ATOSB: variants seen among roughly 807,000 people sequenced by gnomAD.
ATOSB encodes atos homolog protein B.
chr9:35,108,374 G>A, the ATOSB span: 1 of 1,421,664 alleles, frequency 7.0e-7, no homozygotes, highest in Non-Finnish European at 9.1e-7. Flanking sequence ...AGAAGAAAAG[G>A]TGGTCAGGGG....
the ATOSB span, chr9:35,107,302 G>A: frequency 6.9e-7 from 1 of 1,451,780 alleles, no homozygotes. Flanking sequence ...CAGCAGTGAT[G>A]GAGTGAGATC....
At chr9:35,111,913 C>T in the ATOSB span, among the ~76,000 whole-genome samples, 1 of 152,210 alleles carries the variant, frequency 6.6e-6, no homozygotes, top group Non-Finnish European at 1.5e-5. Context: ...CCTACTCCCC[C>T]GCCCTTCCTC....
chr9:35,105,400 T>C, the ATOSB span: 1 of 1,591,368 alleles, frequency 6.3e-7, no homozygotes, highest in Non-Finnish European at 8.6e-7. The surrounding 1 kb of genome is among the most constrained non-coding windows in gnomAD (Gnocchi z 5.5). Flanking sequence ...GTGATCAACG[T>C]AAGAATCCAG....
chr9:35,107,186 A>G, the ATOSB span, among the ~76,000 whole-genome samples: 1 of 151,806 alleles, frequency 6.6e-6, no homozygotes, highest in Non-Finnish European at 1.5e-5. Context: ...AGCTGGGTGC[A>G]ATGTCATGTG....
chr9:35,106,595 G>T, the ATOSB span: 3 of 1,566,582 alleles, frequency 1.9e-6, no homozygotes, highest in Non-Finnish European at 1.7e-6. The surrounding 1 kb of genome is among the most constrained non-coding windows in gnomAD (Gnocchi z 4.6). Context: ...GGGAGGCACT[G>T]GGGGGGCTCA....
At chr9:35,113,546 C>T in the ATOSB span, among the ~76,000 whole-genome samples, 1 of 152,102 alleles carries the variant, frequency 6.6e-6, no homozygotes, top group Non-Finnish European at 1.5e-5. Flanking sequence ...ATCACTTGAA[C>T]CCAGGAGGCG....
the ATOSB span, chr9:35,111,062 T>C: frequency 6.6e-6 from 1 of 152,608 alleles, no homozygotes; most frequent in Non-Finnish European, 1.5e-5. Flanking sequence ...CCCTCTATCT[T>C]CAGAGGGGAG....
the ATOSB span, chr9:35,105,149 C>A: frequency 1.3e-6 from 2 of 1,496,240 alleles, no homozygotes; most frequent in African/African-American, 1.4e-5. The surrounding 1 kb of genome is among the most constrained non-coding windows in gnomAD (Gnocchi z 5.5). Flanking sequence ...CTTGCTGTCT[C>A]TCCATATATG....
chr9:35,106,220 G>A, the ATOSB span: 2 of 1,612,364 alleles, frequency 1.2e-6, no homozygotes, highest in Admixed American at 1.7e-5. This position sits in a 1 kb window ranked among gnomAD's most constrained non-coding sequence, Gnocchi z 4.6. Flanking sequence ...TCCTCTTGAT[G>A]AGCTGACTTT....
the ATOSB span, chr9:35,107,281 CCACTG>C: frequency 6.4e-3 from 8,661 of 1,360,540 alleles, 441 homozygotes; most frequent in East Asian, 0.14. Context: ...TGAGATTGTG[CCACTG>C]CACTCCAGCA....
At chr9:35,106,586 G>A in the ATOSB span, 1 of 1,569,148 alleles carries the variant, frequency 6.4e-7, no homozygotes, top group African/African-American at 1.3e-5. This position sits in a 1 kb window ranked among gnomAD's most constrained non-coding sequence, Gnocchi z 4.6. Context: ...TAGGAACAGG[G>A]GAGGCACTGG....
chr9:35,106,460 T>C, the ATOSB span: 1 of 1,612,132 alleles, frequency 6.2e-7, no homozygotes, highest in Non-Finnish European at 8.5e-7. This position sits in a 1 kb window ranked among gnomAD's most constrained non-coding sequence, Gnocchi z 4.6. Flanking sequence ...CCAATTCTTT[T>C]CCTTATCCAT....
the ATOSB span, chr9:35,107,916 T>C: frequency 6.3e-7 from 1 of 1,598,028 alleles, no homozygotes; most frequent in South Asian, 1.1e-5. Context: ...GAGGCCACGG[T>C]GGGAGAAATG....
the ATOSB span, chr9:35,107,339 A>T: frequency 1.3e-6 from 2 of 1,564,424 alleles, no homozygotes; most frequent in African/African-American, 1.4e-5. Context: ...AAAAAAAAAA[A>T]AAAAGTAAAA....
At chr9:35,113,427 C>T in the ATOSB span, among the ~76,000 whole-genome samples, 1 of 152,086 alleles carries the variant, frequency 6.6e-6, no homozygotes, top group African/African-American at 2.4e-5. Flanking sequence ...AGTTCGAGAC[C>T]AGCCTGACTA....
At chr9:35,106,965 ACT>A in the ATOSB span, 1 of 1,345,540 alleles carries the variant, frequency 7.4e-7, no homozygotes, top group Non-Finnish European at 1.0e-6. This position sits in a 1 kb window ranked among gnomAD's most constrained non-coding sequence, Gnocchi z 4.6. Flanking sequence ...CTCATCACAA[ACT>A]CTCAAAGGAA....
chr9:35,105,003 A>G, the ATOSB span: 1 of 435,050 alleles, frequency 2.3e-6, no homozygotes, highest in Non-Finnish European at 4.0e-6. The surrounding 1 kb of genome is among the most constrained non-coding windows in gnomAD (Gnocchi z 5.5). Flanking sequence ...CTGGCCTGGG[A>G]AACCCAAGGG....
At chr9:35,108,806 G>T in the ATOSB span, 1 of 395,700 alleles carries the variant, frequency 2.5e-6, no homozygotes, top group Non-Finnish European at 3.4e-6. Context: ...ACCAATTATA[G>T]GCTAATAGTA....
chr9:35,107,071 C>T, the ATOSB span, among the ~76,000 whole-genome samples: 1 of 152,198 alleles, frequency 6.6e-6, no homozygotes, highest in East Asian at 1.9e-4. Flanking sequence ...CCTGTAATCA[C>T]AACACTTTAG....
Sources: gnomAD v4.1 joint callset for allele counts (sites outside exome capture counted in the v4.1 genomes callset) on GRCh38, gnomAD v4.1.1 for gene constraint, Gnocchi (gnomAD v3.1) non-coding constraint, MANE v1.5 for transcripts, NCBI Gene and HGNC (gene_info 2026-07-23, HGNC 2026-07-21) for gene names.